The following GPHN variants were observed in gnomAD, a reference collection of about 807,000 sequenced individuals.
GPHN encodes gephyrin.
A neutral mutation model predicts 95.5 loss-of-function variants in GPHN; 17 were observed. The ratio of observed to expected loss-of-function variants is 0.18; its 90% confidence interval spans 0.12 to 0.27. GPHN has a LOEUF of 0.27. Ranked by LOEUF, GPHN falls within the 10% of genes least tolerant of loss-of-function variation. GPHN has a pLI of 1.00. For missense variants in GPHN, 660 were observed against 978.1 expected, an observed-to-expected ratio of 0.67 and a Z score of 4.34; for synonymous variants, 320 against 322.5, an observed-to-expected ratio of 0.99 and a Z score of 0.08.
At chr14:67,406,681 G>A in the GPHN span, among the ~76,000 whole-genome samples, 2 of 152,196 alleles carry the variant, frequency 1.3e-5, no homozygotes, top group African/African-American at 4.8e-5. Context: ...AATAGCCAAA[G>A]GAAGCAGGTG....
intron 18 of GPHN, among the ~76,000 whole-genome samples, chr14:67,155,601 G>A (rs1199879462): frequency 6.6e-6 from 1 of 152,078 alleles, no homozygotes; most frequent in Non-Finnish European, 1.5e-5. Context: ...TTTGGAAAAG[G>A]GATAGAAAAT....
the GPHN span, among the ~76,000 whole-genome samples, chr14:67,652,922 C>G: frequency 6.6e-6 from 1 of 152,022 alleles, no homozygotes. Flanking sequence ...TCCTGAGTAG[C>G]TGGGATTACA....
At chr14:67,395,517 G>T in the GPHN span, 12 of 1,613,896 alleles carry the variant, frequency 7.4e-6, no homozygotes, top group Non-Finnish European at 1.0e-5. Flanking sequence ...CAGGCATCCC[G>T]CTCCTCTCGA....
intron 10 of GPHN, among the ~76,000 whole-genome samples, chr14:67,027,524 T>G (rs1405743860): frequency 6.6e-6 from 1 of 152,050 alleles, no homozygotes; most frequent in Non-Finnish European, 1.5e-5. Context: ...AGAGACAGGG[T>G]TTCACTATGT....
the GPHN span, among the ~76,000 whole-genome samples, chr14:67,299,386 T>C: frequency 2.0e-5 from 3 of 152,172 alleles, no homozygotes; most frequent in African/African-American, 7.2e-5. Context: ...ATAATAAAAG[T>C]CCATTCTTTT....
At chr14:67,515,818 A>G in the GPHN span, among the ~76,000 whole-genome samples, 1 of 101,940 alleles carries the variant, frequency 9.8e-6, no homozygotes, top group Non-Finnish European at 2.0e-5. Flanking sequence ...CAGACCCACT[A>G]TGTGCCAGCA....
the GPHN span, chr14:67,559,464 T>TA: frequency 1.6e-6 from 1 of 611,498 alleles, no homozygotes; most frequent in South Asian, 2.0e-5. Context: ...CCTTATCAAA[T>TA]AATATTTCAA....
At chr14:66,579,494 G>A (rs368660264) in intron 1 of GPHN, among the ~76,000 whole-genome samples, 2 of 151,540 alleles carry the variant, frequency 1.3e-5, no homozygotes, top group East Asian at 1.9e-4. Flanking sequence ...CAAATAGACT[G>A]AAAGTGAAGA....
chr14:66,545,883 C>T (rs2059569111), intron 1 of GPHN, among the ~76,000 whole-genome samples: 1 of 151,324 alleles, frequency 6.6e-6, no homozygotes, highest in African/African-American at 2.4e-5. Context: ...CACCTCCCTC[C>T]TGGACGGGGC....
At chr14:67,725,228 G>T in the GPHN span, 1 of 1,613,538 alleles carries the variant, frequency 6.2e-7, no homozygotes, top group African/African-American at 1.3e-5. Context: ...AAATCTATCC[G>T]AGCCTTTGCT....
the GPHN span, chr14:67,727,338 CAG>C: frequency 6.8e-6 from 5 of 731,652 alleles, no homozygotes; most frequent in Non-Finnish European, 1.2e-5. Context: ...GGAATAAAAA[CAG>C]AGTGCTTGCC....
intron 2 of GPHN, among the ~76,000 whole-genome samples, chr14:66,721,239 A>G (rs1356674899): frequency 6.6e-6 from 1 of 152,218 alleles, no homozygotes; most frequent in African/African-American, 2.4e-5. Context: ...GAGAAGAATC[A>G]AAGTAAAACA....
chr14:66,904,955 T>C (rs2065303800), intron 5 of GPHN, among the ~76,000 whole-genome samples: 1 of 152,188 alleles, frequency 6.6e-6, no homozygotes, highest in African/African-American at 2.4e-5. Flanking sequence ...CCTGAATATT[T>C]ATATCCTTGT....
chr14:66,805,819 C>T (rs371869280), intron 3 of GPHN, among the ~76,000 whole-genome samples: 4 of 152,272 alleles, frequency 2.6e-5, no homozygotes, highest in South Asian at 2.1e-4. Context: ...GCTGCTTTCA[C>T]GGGCTGGCAT....
chr14:67,260,201 C>T, the GPHN span, among the ~76,000 whole-genome samples: 16 of 152,136 alleles, frequency 1.1e-4, no homozygotes, highest in African/African-American at 2.9e-4. Context: ...TAACTGTATT[C>T]GTAAAATTAT....
chr14:67,248,445 C>T, the GPHN span, among the ~76,000 whole-genome samples: 1 of 152,106 alleles, frequency 6.6e-6, no homozygotes, highest in Non-Finnish European at 1.5e-5. Context: ...CAGTTACCTA[C>T]CTACATTTTA....
the GPHN span, among the ~76,000 whole-genome samples, chr14:67,711,018 C>T: frequency 6.6e-6 from 1 of 152,124 alleles, no homozygotes; most frequent in East Asian, 1.9e-4. Flanking sequence ...TGCTTTTAAC[C>T]TTCAAACTGT....
the GPHN span, chr14:67,717,880 A>C: frequency 6.6e-6 from 1 of 152,244 alleles, no homozygotes; most frequent in South Asian, 2.1e-4. Flanking sequence ...CATGGGCAAC[A>C]CAGTGAGACC....
At chr14:67,600,285 C>T in the GPHN span, 2 of 1,234,978 alleles carry the variant, frequency 1.6e-6, no homozygotes, top group Non-Finnish European at 2.2e-6. Flanking sequence ...TCCAGACCCG[C>T]TTCCGGCAGC....
Sources: gnomAD v4.1 joint callset for allele counts (sites outside exome capture counted in the v4.1 genomes callset) on GRCh38, gnomAD v4.1.1 for gene constraint, MANE v1.5 for transcripts, NCBI Gene and HGNC (gene_info 2026-07-23, HGNC 2026-07-21) for gene names.